The following THBS4 variants were observed in gnomAD, a reference collection of about 807,000 sequenced individuals.
The protein encoded by THBS4 is thrombospondin-4.
In THBS4, 90 loss-of-function variants were observed where a neutral mutation model predicts 115.7. The ratio of observed to expected loss-of-function variants is 0.78; its 90% CI spans 0.66 to 0.93. THBS4 has a LOEUF of 0.93. Among genes scored for constraint, THBS4 ranks in the 40% least tolerant of loss-of-function variants. The probability of loss-of-function intolerance (pLI) is 0.00; values close to 1 mark genes in which losing one functional copy is unlikely to be tolerated. For missense variants in THBS4, 1,087 were observed against 1,232.7 expected (o/e 0.88, Z 1.77); for synonymous variants, 460 against 479.3 (o/e 0.96, Z 0.53).
chr5:79,993,843 C>T (rs985283973), intron 1 of THBS4, among the ~76,000 whole-genome samples: 3 of 151,992 alleles, frequency 2.0e-5, no homozygotes, highest in African/African-American at 7.3e-5. Context: ...GTATATGGTC[C>T]CTTATGGGAA....
intron 2 of THBS4, among the ~76,000 whole-genome samples, chr5:80,006,325 G>A (rs1182455599): frequency 3.3e-5 from 5 of 152,122 alleles, no homozygotes; most frequent in Non-Finnish European, 7.3e-5. Context: ...CCCCTGTACT[G>A]TTCTCATGGT....
chr5:80,072,379 G>A lies in THBS4; in HGVS notation c.1822G>A (p.Val608Ile). The A allele has an allele frequency of 6.2e-7, 1 of 1,614,106 alleles. No individual in the cohort carries two copies. The highest frequency in any genetic ancestry group is 8.5e-7 in the Non-Finnish European group (1 of 1,179,978). The change falls in exon 14 of 22, where the codon GTC becomes ATC. Residue 608 changes from valine (V) to isoleucine (I), a missense_variant. By Grantham distance (29) the Val-to-Ile change is conservative (BLOSUM62 3). Coordinates refer to ENST00000350881, the MANE Select transcript of THBS4 (RefSeq NM_003248.6). Reference protein sequence around the residue: ...VGDACDSCPDVSNPNQSDVDN... With the variant: ...VGDACDSCPDISNPNQSDVDN... ...GGATGCCTGTGACAGTTGTCCTGAT[G>A]TCAGCAACCCTAACCAGGTTAGTAG... is the stretch of plus-strand genomic sequence containing the variant.
chr5:80,059,729 C>T lies in THBS4; in HGVS notation c.811C>T (p.Pro271Ser). 6.2e-7 allele frequency: 1 copy of T among 1,614,172 alleles called. No homozygotes were observed. The highest frequency in any genetic ancestry group is 8.5e-7 in the Non-Finnish European group (1 of 1,180,026). ...TCCTCTCAAGTTTCAGTCTCCGACC[C>T]CAAGCACGGTGGTGCCCCCGGCTCC... is the stretch of plus-strand genomic sequence containing the variant. ...CGPLKFQSPTPSTVVPPAPPA... is the reference protein window; with the variant it reads ...CGPLKFQSPTSSTVVPPAPPA... The change falls in exon 7 of 22, where the codon CCA (proline) becomes TCA (serine). Residue 271 changes from proline to serine, a missense_variant. By Grantham distance (74) the Pro-to-Ser change is moderately conservative (BLOSUM62 -1). Coordinates refer to ENST00000350881, the MANE Select transcript of THBS4 (RefSeq NM_003248.6).
chr5:80,025,078 ATTG>A (rs1295624519), intron 2 of THBS4, among the ~76,000 whole-genome samples: 10 of 152,132 alleles, frequency 6.6e-5, no homozygotes, highest in African/African-American at 2.4e-4. Context: ...GTCCCACCTC[ATTG>A]TTGTAAAGAT....
intron 2 of THBS4, among the ~76,000 whole-genome samples, chr5:80,047,307 G>A (rs1309271339): frequency 6.6e-6 from 1 of 152,100 alleles, no homozygotes; most frequent in Non-Finnish European, 1.5e-5. Flanking sequence ...CATTTCACAA[G>A]GACACTGTCA....
intron 2 of THBS4, among the ~76,000 whole-genome samples, chr5:80,048,104 G>A (rs928482507): frequency 2.0e-5 from 3 of 152,006 alleles, no homozygotes; most frequent in African/African-American, 7.2e-5. Flanking sequence ...AACAGGGCAA[G>A]CTCTTGTTTC....
At position 80,040,089 on chromosome 5, in the gene THBS4, T is replaced by C; in HGVS notation, c.101T>C (p.Leu34Pro). 1 of 1,614,068 alleles carries C rather than the reference T, an allele frequency of 6.2e-7. No individual in the cohort carries two copies. Among genetic ancestry groups the C allele is most frequent in the Middle Eastern group, 1.6e-4 (1 of 6,062 alleles). The change falls in exon 2 of 22, where the codon CTC becomes CCC. Residue 34 changes from leucine (L) to proline (P), a missense_variant. By Grantham distance (98) the Leu-to-Pro change is moderately conservative. Coordinates refer to ENST00000350881, the MANE Select transcript of THBS4 (RefSeq NM_003248.6). Reference protein sequence around the residue: ...AQATPQVFDLLPSSSQRLNPG... With the variant: ...AQATPQVFDLPPSSSQRLNPG... ...CCCTTCTTCCCAGTCTTTGACCTTC[T>C]CCCATCTTCCAGTCAGAGGCTAAAC...
intron 2 of THBS4, among the ~76,000 whole-genome samples, chr5:80,021,435 CAT>C (rs1469913526): frequency 6.6e-6 from 1 of 151,896 alleles, no homozygotes; most frequent in East Asian, 1.9e-4. Flanking sequence ...AGTGAAAAAA[CAT>C]TATCTATACA....
At chr5:79,995,364 C>A (rs571223048) in intron 1 of THBS4, among the ~76,000 whole-genome samples, 1 of 152,258 alleles carries the variant, frequency 6.6e-6, no homozygotes, top group Admixed American at 6.5e-5. Flanking sequence ...ACTTGGCACC[C>A]TTCCGCTGAG....
At chr5:80,080,291 T>G in intron 20 of THBS4, 1 of 574,244 alleles carries the variant, frequency 1.7e-6, no homozygotes, top group South Asian at 2.2e-5. Context: ...AGGACCAAGA[T>G]GGGGATAGAA....
chr5:80,023,911 C>T lies in THBS4; in HGVS notation n.178-16166C>T, dbSNP rs559643315. Reference sequence around the variant, plus strand: ...CCCACGAGAGTAAGAACTCGCTCACCTTTGTGGAAGGGCATTAATCTATTC... The same window carrying T: ...CCCACGAGAGTAAGAACTCGCTCACTTTTGTGGAAGGGCATTAATCTATTC... On this transcript the variant is annotated intron_variant and non_coding_transcript_variant, in intron 2 of 3. Transcript: ENST00000510218. Among the ~76,000 whole-genome samples the T allele has an allele frequency of 2.6e-5, 4 of 152,216 alleles. No homozygotes were observed. The South Asian group carries it at 8.3e-4, about 32-fold the overall frequency.
intron 2 of THBS4, among the ~76,000 whole-genome samples, chr5:80,028,773 T>G (rs947157175): frequency 6.6e-6 from 1 of 152,108 alleles, no homozygotes; most frequent in Non-Finnish European, 1.5e-5. Context: ...AAACCATACT[T>G]TCCAGATTTT....
chr5:80,011,870 G>C (rs1417795578), intron 2 of THBS4, among the ~76,000 whole-genome samples: 1 of 141,954 alleles, frequency 7.0e-6, no homozygotes, highest in Non-Finnish European at 1.5e-5. Flanking sequence ...AAACGATTCT[G>C]TTTCTTAAAA....
intron 2 of THBS4, among the ~76,000 whole-genome samples, chr5:80,003,674 C>G (rs984414752): frequency 5.9e-5 from 9 of 152,192 alleles, no homozygotes; most frequent in Admixed American, 3.9e-4. Flanking sequence ...ATGAATGAAC[C>G]TAAAGCAGCT....
intron 2 of THBS4, among the ~76,000 whole-genome samples, chr5:80,049,130 A>G (rs1260123526): frequency 3.9e-5 from 6 of 152,208 alleles, no homozygotes; most frequent in Non-Finnish European, 5.9e-5. Flanking sequence ...CTGCTTCATA[A>G]CTTTGACATT....
intron 20 of THBS4, among the ~76,000 whole-genome samples, chr5:80,081,170 C>T (rs1317861814): frequency 6.6e-6 from 1 of 152,106 alleles, no homozygotes; most frequent in Admixed American, 6.6e-5. Flanking sequence ...CTCATCAGGG[C>T]AGGAAAGCAG....
chr5:80,077,253 A>G (rs1228200028), intron 16 of THBS4, among the ~76,000 whole-genome samples: 1 of 152,200 alleles, frequency 6.6e-6, no homozygotes. Flanking sequence ...GTCAGGACTG[A>G]GCTGCTTTGC....
intron 2 of THBS4, among the ~76,000 whole-genome samples, chr5:80,030,172 C>T (rs369477511): frequency 3.9e-5 from 6 of 151,926 alleles, no homozygotes; most frequent in Admixed American, 2.0e-4. Flanking sequence ...TGTCATCACA[C>T]GGTAGAATGT....
chr5:80,040,419 C>T, intron 2 of THBS4, 139 bp downstream of exon 2: 2 of 474,552 alleles, frequency 4.2e-6, no homozygotes, highest in Non-Finnish European at 7.2e-6. Context: ...ATACTGAATT[C>T]TTCTTACTGT....
Sources: allele counts gnomAD v4.1 joint callset (sites outside exome capture counted in the v4.1 genomes callset), GRCh38; gene constraint gnomAD v4.1.1; transcripts MANE v1.5; gene names NCBI Gene and HGNC (gene_info 2026-07-23, HGNC 2026-07-21).